TMEM131L: variants seen among roughly 807,000 people sequenced by gnomAD.
TMEM131L encodes the protein transmembrane 131 like.
TMEM131L carries 54 observed loss-of-function variants against 192.2 expected under a neutral mutation model. That is an observed-to-expected ratio of 0.28 (90% CI 0.23 to 0.35). The LOEUF (loss-of-function observed/expected upper bound fraction) is 0.35. TMEM131L is among the 10% of genes least tolerant of loss of function. The pLI is 1.00. For missense variants in TMEM131L, 1,888 were observed against 1,972.9 expected (o/e 0.96, Z 0.82); for synonymous variants, 701 against 704.9 (o/e 0.99, Z 0.09).
chr4:153,493,345 C>CAAAAAAAAAAAAAAAA (rs35052272), intron 3 of TMEM131L, among the ~76,000 whole-genome samples: 7 of 72,864 alleles, frequency 9.6e-5, no homozygotes, highest in African/African-American at 4.6e-4. Context: ...GACTCTGTCT[C>CAAAAAAAAAAAAAAAA]AAAAAAAAAA....
intron 3 of TMEM131L, among the ~76,000 whole-genome samples, chr4:153,509,603 G>T (rs1006372720): frequency 6.6e-6 from 1 of 152,110 alleles, no homozygotes; most frequent in Non-Finnish European, 1.5e-5. Context: ...GCACATGCCT[G>T]TAGTCCCAGC....
intron 3 of TMEM131L, among the ~76,000 whole-genome samples, chr4:153,481,788 T>G (rs1343196407): frequency 6.6e-6 from 1 of 152,196 alleles, no homozygotes; most frequent in Non-Finnish European, 1.5e-5. Flanking sequence ...TCCACCCGCC[T>G]TAGCCTCACA....
At chr4:153,469,674 C>A (rs1731013577) in intron 2 of TMEM131L, among the ~76,000 whole-genome samples, 1 of 152,100 alleles carries the variant, frequency 6.6e-6, no homozygotes, top group South Asian at 2.1e-4. Context: ...CGTCTGTAAT[C>A]CCAGCACTTT....
intron 7 of TMEM131L, among the ~76,000 whole-genome samples, chr4:153,574,533 C>T (rs765749885): frequency 1.3e-5 from 2 of 152,114 alleles, no homozygotes; most frequent in Admixed American, 6.5e-5. Flanking sequence ...TGTGTGGGGG[C>T]CACCTGCTGG....
chr4:153,469,944 A>G (rs1399278349), intron 2 of TMEM131L, among the ~76,000 whole-genome samples: 2 of 151,488 alleles, frequency 1.3e-5, no homozygotes, highest in Non-Finnish European at 2.9e-5. Context: ...AAACAAACAA[A>G]CAAACAAACA....
intron 21 of TMEM131L, 180 bp from the exon 22 acceptor site, chr4:153,601,972 A>T (rs1731868837): frequency 2.2e-6 from 1 of 459,412 alleles, no homozygotes; most frequent in Non-Finnish European, 3.8e-6. Flanking sequence ...CCTAGAACAG[A>T]ATCTATAATT....
chr4:153,633,303 A>T (rs1734345326), intron 32 of TMEM131L: 4 of 154,192 alleles, frequency 2.6e-5, no homozygotes, highest in Admixed American at 1.9e-4. Context: ...TGCAGCCTTG[A>T]ACTCCTGGGT....
chr4:153,523,128 G>T (rs1253217617), intron 3 of TMEM131L, among the ~76,000 whole-genome samples: 3 of 152,186 alleles, frequency 2.0e-5, no homozygotes, highest in African/African-American at 7.2e-5. Flanking sequence ...AGGATTACCT[G>T]TATTTTTAAC....
intron 25 of TMEM131L, among the ~76,000 whole-genome samples, chr4:153,610,424 G>C (rs1408047883): frequency 6.6e-6 from 1 of 152,050 alleles, no homozygotes; most frequent in Non-Finnish European, 1.5e-5. Context: ...CTGGCCAAAG[G>C]ATTATTTTCT....
At chr4:153,547,651 A>T (rs139733472) in intron 3 of TMEM131L, among the ~76,000 whole-genome samples, 55 of 152,344 alleles carry the variant, frequency 3.6e-4, no homozygotes, top group African/African-American at 1.2e-3. Flanking sequence ...TAAGTGACTG[A>T]TACTCTCAGG....
At position 153,557,225 on chromosome 4, in the gene TMEM131L, C is replaced by G. The variant is rs542727721; in HGVS notation, c.549+143C>G. 3.4e-5 allele frequency: 21 copies of G among 612,138 alleles called. No individual in the cohort carries two copies. The African/African-American group carries it at 4.0e-4, about 12-fold the overall frequency. 37.9% of individuals were successfully genotyped at this position (612,138 alleles called of 1,614,324 possible). The stretch of plus-strand genomic sequence containing the variant: ...ACAAGACTGTTAGTGATGTTAAAAT[C>G]ATCAGCATTCACCCTTTTCTGCCTG... On this transcript the variant is annotated intron_variant, in intron 6 of 34. Transcript: ENST00000409959.
chr4:153,541,008 A>T (rs1019591894), intron 3 of TMEM131L, among the ~76,000 whole-genome samples: 1 of 152,190 alleles, frequency 6.6e-6, no homozygotes, highest in Non-Finnish European at 1.5e-5. Context: ...CTGAAAGGTA[A>T]TGCAAAATGT....
At chr4:153,625,264 A>C (rs1158637589) in intron 29 of TMEM131L, among the ~76,000 whole-genome samples, 1 of 152,056 alleles carries the variant, frequency 6.6e-6, no homozygotes, top group Non-Finnish European at 1.5e-5. Context: ...TTCAAAAACC[A>C]GCTGGGCGTG....
At chr4:153,508,574 C>T (rs1734138882) in intron 3 of TMEM131L, among the ~76,000 whole-genome samples, 1 of 151,884 alleles carries the variant, frequency 6.6e-6, no homozygotes, top group Admixed American at 6.6e-5. Context: ...ACATCTGTAT[C>T]GTTGATAATG....
intron 3 of TMEM131L, among the ~76,000 whole-genome samples, chr4:153,508,543 C>A (rs966284437): frequency 6.6e-6 from 1 of 152,152 alleles, no homozygotes; most frequent in Non-Finnish European, 1.5e-5. Context: ...TAAGTAGTTT[C>A]TCATTTAACC....
intron 7 of TMEM131L, among the ~76,000 whole-genome samples, chr4:153,564,530 A>T (rs1350739162): frequency 6.6e-6 from 1 of 152,162 alleles, no homozygotes; most frequent in Non-Finnish European, 1.5e-5. Context: ...ATAGGAAAAC[A>T]TGGAGTTAAG....
At chr4:153,573,558 T>A (rs1478322332) in intron 7 of TMEM131L, among the ~76,000 whole-genome samples, 6 of 152,242 alleles carry the variant, frequency 3.9e-5, no homozygotes, top group Admixed American at 3.9e-4. Flanking sequence ...AAGCTAGTTA[T>A]CCAGGTGTAA....
chr4:153,566,357 G>A (rs1181451998), intron 7 of TMEM131L, among the ~76,000 whole-genome samples: 2 of 152,008 alleles, frequency 1.3e-5, no homozygotes, highest in African/African-American at 4.8e-5. Flanking sequence ...GGATGGTCTT[G>A]ATCTCCTGAC....
intron 3 of TMEM131L, among the ~76,000 whole-genome samples, chr4:153,523,171 A>T (rs184553638): frequency 1.3e-5 from 2 of 152,352 alleles, no homozygotes; most frequent in African/African-American, 4.8e-5. Flanking sequence ...GTTAGAATAA[A>T]ATCTGAAATA....
Sources: allele counts gnomAD v4.1 joint callset (sites outside exome capture counted in the v4.1 genomes callset), GRCh38; gene constraint gnomAD v4.1.1; transcripts MANE v1.5; gene names NCBI Gene and HGNC (gene_info 2026-07-23, HGNC 2026-07-21).